The following TACC2 variants were observed in gnomAD, a reference collection of about 807,000 sequenced individuals.
TACC2 encodes the protein transforming acidic coiled-coil containing protein 2.
In TACC2, 137 loss-of-function variants were observed where a neutral mutation model predicts 227.3. The ratio of observed to expected loss-of-function variants is 0.60; its 90% CI spans 0.52 to 0.69. TACC2 has a LOEUF of 0.69. TACC2 is among the 30% of genes least tolerant of loss of function. The pLI is 0.00. For missense variants in TACC2, 3,470 were observed against 3,694.4 expected, an observed-to-expected ratio of 0.94 and a Z score of 1.57; for synonymous variants, 1,523 against 1,487.5, an observed-to-expected ratio of 1.02 and a Z score of -0.55.
At position 122,110,822 on chromosome 10, in the gene TACC2, C is replaced by T. The variant is rs534882737; in HGVS notation, c.5574-21787C>T. Among the ~76,000 whole-genome samples, 6 of 152,256 alleles carry T rather than the reference C, an allele frequency of 3.9e-5. No individual in the cohort carries two copies. The East Asian group carries it at 1.2e-3, about 29-fold the overall frequency. On this transcript the variant is annotated intron_variant, in intron 5 of 22. Coordinates refer to ENST00000369005, the MANE Select transcript of TACC2 (RefSeq NM_206862.4). ...CTAGTAATTTTGGCTTAAGACAACA[C>T]AAATTTATTTTACTAGGAGCTGTGT...
chr10:122,000,466 A>G (rs573001853), intron 1 of TACC2, among the ~76,000 whole-genome samples: 2 of 152,348 alleles, frequency 1.3e-5, no homozygotes, highest in Admixed American at 1.3e-4. Flanking sequence ...CTGCTTATGA[A>G]GAGATGACCT....
intron 2 of TACC2, among the ~76,000 whole-genome samples, chr10:122,039,538 G>C (rs2073992297): frequency 6.6e-6 from 1 of 152,096 alleles, no homozygotes; most frequent in Non-Finnish European, 1.5e-5. Context: ...TGAGATGTGG[G>C]GTTGGGGGAC....
At chr10:122,156,657 G>A (rs2092503777) in intron 7 of TACC2, among the ~76,000 whole-genome samples, 1 of 152,234 alleles carries the variant, frequency 6.6e-6, no homozygotes, top group South Asian at 2.1e-4. Context: ...AGGTCTGACT[G>A]TGCCAGCTGC....
chr10:122,178,193 AG>A (rs538184046), intron 7 of TACC2, among the ~76,000 whole-genome samples: 2 of 150,562 alleles, frequency 1.3e-5, no homozygotes, highest in Non-Finnish European at 3.0e-5. Flanking sequence ...GGCAGGAGTG[AG>A]GGGTCTCTGT....
intron 5 of TACC2, among the ~76,000 whole-genome samples, chr10:122,118,271 TC>T (rs1449602087): frequency 6.6e-6 from 1 of 152,158 alleles, no homozygotes; most frequent in Non-Finnish European, 1.5e-5. Context: ...CGCCTCGGCC[TC>T]CCAAAGTGCT....
intron 8 of TACC2, among the ~76,000 whole-genome samples, chr10:122,197,500 C>T (rs2094612616): frequency 6.6e-6 from 1 of 152,210 alleles, no homozygotes; most frequent in Non-Finnish European, 1.5e-5. Context: ...GAACAATCTC[C>T]ATTCTTAAAA....
intron 7 of TACC2, among the ~76,000 whole-genome samples, chr10:122,187,776 G>A (rs1474249890): frequency 6.6e-6 from 1 of 152,180 alleles, no homozygotes; most frequent in African/African-American, 2.4e-5. Context: ...ATAGGTGTGA[G>A]CCGCGGTGCC....
intron 11 of TACC2, among the ~76,000 whole-genome samples, chr10:122,220,029 C>T (rs1203804544): frequency 6.7e-6 from 1 of 149,050 alleles, no homozygotes; most frequent in Non-Finnish European, 1.5e-5. Context: ...CAGAGTGAGA[C>T]TCTGTCTCCA....
At chr10:122,109,957 A>G (rs1405555688) in intron 5 of TACC2, among the ~76,000 whole-genome samples, 1 of 152,188 alleles carries the variant, frequency 6.6e-6, no homozygotes, top group Non-Finnish European at 1.5e-5. Context: ...CTTCCCTCCG[A>G]ATGAACCTCT....
intron 7 of TACC2, among the ~76,000 whole-genome samples, chr10:122,153,689 C>T (rs1412219485): frequency 6.6e-6 from 1 of 152,174 alleles, no homozygotes; most frequent in Non-Finnish European, 1.5e-5. Flanking sequence ...GTGCCTCGGG[C>T]TTTTTCACAT....
At chr10:122,139,064 T>G (rs1018912548) in intron 6 of TACC2, among the ~76,000 whole-genome samples, 1 of 152,180 alleles carries the variant, frequency 6.6e-6, no homozygotes, top group Non-Finnish European at 1.5e-5. Context: ...ATTCATAACT[T>G]GGACGATCCA....
chr10:122,134,162 G>C (rs945080654), intron 6 of TACC2, among the ~76,000 whole-genome samples: 7 of 150,288 alleles, frequency 4.7e-5, no homozygotes, highest in Admixed American at 2.0e-4. Flanking sequence ...GTGGGAGTCA[G>C]CCATAGTTCT....
intron 11 of TACC2, among the ~76,000 whole-genome samples, chr10:122,217,541 C>T (rs753128374): frequency 3.4e-5 from 5 of 146,826 alleles, no homozygotes; most frequent in Non-Finnish European, 7.4e-5. Flanking sequence ...TGGGTTCAAG[C>T]GATTCTCCTG....
intron 7 of TACC2, among the ~76,000 whole-genome samples, chr10:122,181,474 G>A (rs1052494677): frequency 6.6e-6 from 1 of 152,144 alleles, no homozygotes; most frequent in African/African-American, 2.4e-5. Context: ...ATTGTGCAAG[G>A]TGCTTTACAA....
chr10:122,197,185 C>T (rs1372419606), intron 8 of TACC2, among the ~76,000 whole-genome samples: 4 of 152,172 alleles, frequency 2.6e-5, no homozygotes, highest in Non-Finnish European at 4.4e-5. Context: ...CGCTTGAACC[C>T]GGGAGGTGGA....
Position 122,210,291 on chromosome 10 carries a change from G to C in TACC2, c.5972-106G>C. On this transcript the variant is annotated intron_variant, in intron 8 of 22. Coordinates refer to ENST00000369005, the MANE Select transcript of TACC2 (RefSeq NM_206862.4). This position sits in a 1 kb window ranked among gnomAD's most constrained non-coding sequence, Gnocchi z 4.6. ...GTGATGGGCGGGGTGGCCTGGGGCCGTGGTTTGTCAACCCCTACGCTGGAG... is the reference window on the plus strand; with the variant it reads ...GTGATGGGCGGGGTGGCCTGGGGCCCTGGTTTGTCAACCCCTACGCTGGAG... 1 of 893,620 alleles carries C rather than the reference G, an allele frequency of 1.1e-6. No individual in the cohort carries two copies. Among genetic ancestry groups the C allele is most frequent in the Non-Finnish European group, 1.8e-6 (1 of 553,020 alleles). The allele number at this position is 893,620 out of a possible 1,614,324, so 55.4% of individuals were successfully genotyped here.
intron 19 of TACC2, among the ~76,000 whole-genome samples, chr10:122,244,188 C>T (rs2096063061): frequency 6.6e-6 from 1 of 152,184 alleles, no homozygotes; most frequent in African/African-American, 2.4e-5. Flanking sequence ...CACCCCTGCT[C>T]CCTGATGTGT....
chr10:122,030,724 G>A (rs1308129051), intron 2 of TACC2, among the ~76,000 whole-genome samples: 1 of 151,290 alleles, frequency 6.6e-6, no homozygotes, highest in Non-Finnish European at 1.5e-5. Flanking sequence ...GTCTGGCTGA[G>A]GTTGGAGAAG....
chr10:122,047,394 A>G (rs1209962303), intron 2 of TACC2, among the ~76,000 whole-genome samples: 2 of 150,740 alleles, frequency 1.3e-5, no homozygotes, highest in Non-Finnish European at 2.9e-5. Context: ...ATAATGTCCT[A>G]TGGGGATGAT....
Sources: gnomAD v4.1 joint callset for allele counts (sites outside exome capture counted in the v4.1 genomes callset) on GRCh38, gnomAD v4.1.1 for gene constraint, Gnocchi (gnomAD v3.1) non-coding constraint, MANE v1.5 for transcripts, NCBI Gene and HGNC (gene_info 2026-07-23, HGNC 2026-07-21) for gene names.